KIF5A: variants seen among roughly 807,000 people sequenced by gnomAD.
KIF5A encodes kinesin family member 5A.
A neutral mutation model predicts 141.3 loss-of-function variants in KIF5A; 35 were observed. The ratio of observed to expected loss-of-function variants is 0.25; its 90% CI spans 0.19 to 0.33. KIF5A has a LOEUF of 0.33. Ranked by LOEUF, KIF5A falls within the 10% of genes least tolerant of loss-of-function variation. The pLI is 1.00. For missense variants in KIF5A, 861 were observed against 1,314.3 expected (o/e 0.66, Z 5.33); for synonymous variants, 448 against 500.2 (o/e 0.90, Z 1.39).
chr12:57,565,036 G>A, intron 6 of KIF5A, 63 bp downstream of exon 6: 1 of 1,459,218 alleles, frequency 6.9e-7, no homozygotes, highest in South Asian at 1.1e-5. Flanking sequence ...TGGGGGAGGA[G>A]CATAGGTCAG....
chr12:57,551,049 A>G (rs1425550144), intron 1 of KIF5A, among the ~76,000 whole-genome samples: 2 of 152,058 alleles, frequency 1.3e-5, no homozygotes, highest in Non-Finnish European at 2.9e-5. Context: ...TCCCAGGTAC[A>G]GTAGGAAGAG....
chr12:57,569,671 C>T lies in KIF5A; in HGVS notation c.1105C>T (p.Arg369Trp), dbSNP rs140929639. The T allele has an allele frequency of 9.6e-4, 1,552 of 1,613,768 alleles. No individual in the cohort carries two copies. Among genetic ancestry groups the T allele is most frequent in the Non-Finnish European group, 1.2e-3 (1,435 of 1,180,014 alleles). ...TIAKLEAELS[R>W]WRNGENVPET... is the part of the protein sequence containing the mutation. ...TGCGAAGCTGGAGGCTGAGCTGAGC[C>T]GGTGGCGCAATGGTTAGAGAGGGAT... Residue 369 changes from arginine to tryptophan, a missense_variant, in exon 11 of 29, where the codon CGG (arginine) becomes TGG (tryptophan). Transcript: ENST00000455537.
intron 19 of KIF5A, 94 bp downstream of exon 19, chr12:57,576,472 T>TC (rs1882430046): frequency 1.0e-6 from 1 of 956,604 alleles, no homozygotes; most frequent in African/African-American, 1.6e-5. Flanking sequence ...TTCTTTAACA[T>TC]CCATGTGTCA....
At chr12:57,565,088 T>G in intron 6 of KIF5A, 115 bp downstream of exon 6, 2 of 896,148 alleles carry the variant, frequency 2.2e-6, no homozygotes, top group Non-Finnish European at 3.7e-6. Flanking sequence ...AGGAATGAGA[T>G]GTGCCTAGGG....
chr12:57,586,398 CG>C lies in KIF5A; in HGVS notation c.*2218del, dbSNP rs1882762246. ...TTACATAAAAAAGAAACAACACACA[CG>C]CAAACCCTTCACCAGAAGCTTCACA... On this transcript the variant is annotated 3_prime_UTR_variant, in exon 29 of 29. Coordinates refer to ENST00000455537, the MANE Select transcript of KIF5A (RefSeq NM_004984.4). 1 of 152,308 alleles carries C rather than the reference CG, an allele frequency of 6.6e-6. No homozygotes were observed. The highest frequency in any genetic ancestry group is 6.5e-5 in the Admixed American group (1 of 15,274). 9.4% of individuals were successfully genotyped at this position (152,308 alleles called of 1,614,324 possible).
chr12:57,575,760 G>A lies in KIF5A; in HGVS notation c.2023+3G>A. The A allele has an allele frequency of 6.2e-7, 1 of 1,600,724 alleles. No individual in the cohort carries two copies. The highest frequency in any genetic ancestry group is 8.6e-7 in the Non-Finnish European group (1 of 1,167,704). ...GCTGGCCAAGCTCCAGGCCCAGGGTGAGGCCTTCTTATACCTCCATCCCAC... is the reference window on the plus strand; with the variant it reads ...GCTGGCCAAGCTCCAGGCCCAGGGTAAGGCCTTCTTATACCTCCATCCCAC... On this transcript the variant is annotated splice_donor_region_variant and intron_variant, in intron 17 of 28. Transcript: ENST00000455537.
At chr12:57,579,585 C>T (rs943536837) in intron 23 of KIF5A, among the ~76,000 whole-genome samples, 16 of 152,140 alleles carry the variant, frequency 1.1e-4, no homozygotes, top group African/African-American at 2.9e-4. Flanking sequence ...CTGCAGAGGG[C>T]TTTGCTACGA....
rs1882294398 is a variant in KIF5A, at chr12:57,572,715, G to A, written c.1705G>A (p.Glu569Lys). The change falls in exon 15 of 29, where the codon GAG becomes AAG. Residue 569 changes from glutamate to lysine, a missense_variant. This residue lies in a region of KIF5A where 482 missense variants were observed against 661.3 expected (regional missense o/e 0.73). Coordinates refer to ENST00000455537, the MANE Select transcript of KIF5A (RefSeq NM_004984.4). The surrounding 1 kb of genome is among the most constrained non-coding windows in gnomAD (Gnocchi z 4.2). The stretch of plus-strand genomic sequence containing the variant: ...GTTCAGTGTCATTGTGGGCAACGGG[G>A]AGATTAAGCTGGTGAGTGGTGAGAG... ...SEFSVIVGNG[E>K]IKLPVEISGA... 6.2e-7 allele frequency: 1 copy of A among 1,614,108 alleles called. No homozygotes were observed. Among genetic ancestry groups the A allele is most frequent in the Non-Finnish European group, 8.5e-7 (1 of 1,180,046 alleles).
chr12:57,574,038 C>T (rs1882342602), intron 15 of KIF5A, among the ~76,000 whole-genome samples: 1 of 142,318 alleles, frequency 7.0e-6, no homozygotes, highest in Non-Finnish European at 1.5e-5. Context: ...AGCAGAGATG[C>T]GGCACTGCAC....
intron 1 of KIF5A, among the ~76,000 whole-genome samples, chr12:57,557,785 G>A (rs1040862560): frequency 2.6e-5 from 4 of 151,544 alleles, no homozygotes; most frequent in Non-Finnish European, 4.4e-5. Context: ...TCTGCCTCCC[G>A]GGTTCAAGCA....
chr12:57,581,845 T>C (rs1276959446), intron 25 of KIF5A, 25 bp from the exon 26 acceptor site: 2 of 1,603,460 alleles, frequency 1.2e-6, no homozygotes, highest in East Asian at 2.2e-5. Flanking sequence ...TGTCAGAGGC[T>C]GCCTCTTTCC....
chr12:57,581,403 T>A lies in KIF5A; in HGVS notation c.2756-12T>A, dbSNP rs894629153. 5 of 1,613,480 alleles carry A rather than the reference T, an allele frequency of 3.1e-6. No individual in the cohort carries two copies. The highest frequency in any genetic ancestry group is 4.2e-6 in the Non-Finnish European group (5 of 1,180,024). On this transcript the variant is annotated splice_polypyrimidine_tract_variant and intron_variant, in intron 24 of 28. Coordinates refer to ENST00000455537, the MANE Select transcript of KIF5A (RefSeq NM_004984.4). ...ATAGCCTCCTCATGGTTGTTTTCTT[T>A]CTTTATTGCAGCCAAACCCGTCCGG... is the stretch of plus-strand genomic sequence containing the variant.
At chr12:57,581,696 T>C in intron 25 of KIF5A, 128 bp downstream of exon 25, 4 of 1,275,448 alleles carry the variant, frequency 3.1e-6, no homozygotes, top group Non-Finnish European at 3.4e-6. Context: ...TTCATGCCTA[T>C]GATTAGAAGG....
rs569004691 is a variant in KIF5A, at chr12:57,551,729, G to A, written c.129+1329G>A. On this transcript the variant is annotated intron_variant, in intron 1 of 28. Transcript: ENST00000455537. ...AAAGGAATGAAGGAAAGAAGGGGAGGAAGCCTGGGCCTTCTGAGTCAGTGA... is the reference window on the plus strand; with the variant it reads ...AAAGGAATGAAGGAAAGAAGGGGAGAAAGCCTGGGCCTTCTGAGTCAGTGA... Among the ~76,000 whole-genome samples, 4 of 152,222 alleles carry A rather than the reference G, an allele frequency of 2.6e-5. No individual in the cohort carries two copies. The South Asian group carries it at 8.3e-4, about 32-fold the overall frequency.
Position 57,567,155 on chromosome 12 carries a change from G to A in KIF5A, c.531G>A (p.Pro177=), listed in dbSNP as rs771476833. The change falls in exon 7 of 29, where the codon CCG becomes CCA. Residue 177 remains proline (P), a synonymous_variant. Coordinates refer to ENST00000455537, the MANE Select transcript of KIF5A (RefSeq NM_004984.4). ...KGCTERFVSS[P]EEILDVIDEG... is the part of the protein sequence containing the mutation. The stretch of plus-strand genomic sequence containing the variant: ...GTACTGAACGCTTTGTGTCCAGCCC[G>A]GAGGAGATTCTGGATGTGATTGATG... The A allele has an allele frequency of 1.4e-5, 22 of 1,612,848 alleles. No homozygotes were observed. In the East Asian group the frequency reaches 1.8e-4, roughly 13 times the overall value.
intron 23 of KIF5A, 102 bp from the exon 24 acceptor site, chr12:57,580,854 T>G (rs1882572827): frequency 9.6e-7 from 1 of 1,037,370 alleles, no homozygotes; most frequent in South Asian, 1.4e-5. Flanking sequence ...TCCTGATTTT[T>G]CTTTATTCTC....
intron 11 of KIF5A, 141 bp downstream of exon 11, chr12:57,569,824 G>T: frequency 7.0e-7 from 1 of 1,422,088 alleles, no homozygotes; most frequent in South Asian, 1.4e-5. Context: ...CAGTAGAGCA[G>T]TCATGGGGGA....
At chr12:57,556,122 C>A (rs1712292488) in intron 1 of KIF5A, among the ~76,000 whole-genome samples, 1 of 147,856 alleles carries the variant, frequency 6.8e-6, no homozygotes, top group Non-Finnish European at 1.5e-5. Context: ...ACTAAATGCA[C>A]CAATTTTTAG....
intron 8 of KIF5A, 41 bp from the exon 9 acceptor site, chr12:57,568,922 T>G (rs779319306): frequency 7.2e-7 from 1 of 1,393,102 alleles, no homozygotes. Context: ...CCTCTCCATG[T>G]GCAGCTGCTC....
Sources: allele counts gnomAD v4.1 joint callset (sites outside exome capture counted in the v4.1 genomes callset), GRCh38; gene constraint gnomAD v4.1.1; regional missense constraint gnomAD v4.1.1; non-coding constraint Gnocchi (gnomAD v3.1); transcripts MANE v1.5; gene names NCBI Gene and HGNC (gene_info 2026-07-23, HGNC 2026-07-21).